SLC48A1: variants seen among roughly 807,000 people sequenced by gnomAD.
SLC48A1 encodes heme transporter HRG1.
A neutral mutation model predicts 14.8 loss-of-function variants in SLC48A1; 6 were observed. That is an observed-to-expected ratio of 0.41 (90% confidence interval 0.22 to 0.80). The LOEUF is 0.80. Ranked by LOEUF, SLC48A1 falls within the 30% of genes least tolerant of loss-of-function variation. The probability of loss-of-function intolerance (pLI) is 0.34; values close to 1 mark genes in which losing one functional copy is unlikely to be tolerated. For synonymous variants in SLC48A1, 89 were observed against 90.0 expected (o/e 0.99, Z 0.06); for missense variants, 165 against 204.8 (o/e 0.81, Z 1.19).
In SLC48A1 at chr12:47,777,179, A is replaced by G. The variant is rs78215560; in HGVS notation, c.137-1849A>G. Among the ~76,000 whole-genome samples the G allele has an allele frequency of 0.13, 19,609 of 152,234 alleles. 1,599 individuals carry two copies. Among genetic ancestry groups the G allele is most frequent in the Non-Finnish European group, 0.18 (12,476 of 68,002 alleles). On this transcript the variant is annotated intron_variant, in intron 1 of 2. Coordinates refer to ENST00000442218, the MANE Select transcript of SLC48A1 (RefSeq NM_017842.3). This position sits in a 1 kb window ranked among gnomAD's most constrained non-coding sequence, Gnocchi z 4.5. Reference sequence around the variant, plus strand: ...TAAAAATCCAGATCTTGTAGGAGGTAAGAGGAAGCTGCAGGATGATTGTCC... The same window carrying G: ...TAAAAATCCAGATCTTGTAGGAGGTGAGAGGAAGCTGCAGGATGATTGTCC...
intron 2 of SLC48A1, among the ~76,000 whole-genome samples, chr12:47,763,161 C>T (rs1156898995): frequency 8.7e-6 from 1 of 114,576 alleles, no homozygotes; most frequent in East Asian, 2.0e-4. Flanking sequence ...GAGCTAGTTT[C>T]CCAGTTCAAT....
chr12:47,760,374 G>A, exon 2 of SLC48A1: 1 of 985,488 alleles, frequency 1.0e-6, no homozygotes, highest in South Asian at 4.7e-5. Flanking sequence ...GAAACTGACA[G>A]GAAAGGATGA....
At chr12:47,761,222 G>T (rs1592594039) in intron 2 of SLC48A1, among the ~76,000 whole-genome samples, 1 of 151,666 alleles carries the variant, frequency 6.6e-6, no homozygotes, top group Non-Finnish European at 1.5e-5. Flanking sequence ...AGGCAGGGGG[G>T]AAATCGAATA....
At chr12:47,759,037 C>T in intron 1 of SLC48A1, 3 of 988,672 alleles carry the variant, frequency 3.0e-6, no homozygotes, top group African/African-American at 1.7e-5. Flanking sequence ...GGAGTCCGCA[C>T]CCGGGGGTAC....
At chr12:47,775,485 A>G (rs1565780921) in intron 1 of SLC48A1, among the ~76,000 whole-genome samples, 1 of 152,136 alleles carries the variant, frequency 6.6e-6, no homozygotes, top group Non-Finnish European at 1.5e-5. Context: ...ACTGCTTGGT[A>G]GTGGTGGTGG....
intron 2 of SLC48A1, among the ~76,000 whole-genome samples, chr12:47,761,122 G>A (rs1390290616): frequency 1.3e-5 from 2 of 151,878 alleles, no homozygotes; most frequent in Non-Finnish European, 1.5e-5. Flanking sequence ...CTTTCAACCC[G>A]GGAGGCGAAG....
upstream of SLC48A1, among the ~76,000 whole-genome samples, chr12:47,770,436 G>A (rs58067800): frequency 0.14 from 21,750 of 152,224 alleles, 1,742 homozygotes; most frequent in Non-Finnish European, 0.18. Flanking sequence ...GCCTGGACCA[G>A]CTCTGAAGCC....
At chr12:47,762,366 A>G (rs1202570604) in intron 2 of SLC48A1, among the ~76,000 whole-genome samples, 1 of 152,128 alleles carries the variant, frequency 6.6e-6, no homozygotes, top group Non-Finnish European at 1.5e-5. Flanking sequence ...TTCCTGCCCC[A>G]GGAGGCCTCT....
upstream of SLC48A1, chr12:47,771,128 T>TG (rs1942621576): frequency 3.4e-6 from 1 of 294,456 alleles, no homozygotes; most frequent in South Asian, 2.9e-5. Flanking sequence ...GGGGTGGGGC[T>TG]GGGTTTATTT....
intron 2 of SLC48A1, among the ~76,000 whole-genome samples, chr12:47,760,633 C>T (rs1488133572): frequency 6.6e-6 from 1 of 152,126 alleles, no homozygotes; most frequent in Non-Finnish European, 1.5e-5. Flanking sequence ...TAATCATGTG[C>T]GGGCACTCTT....
At chr12:47,776,494 C>A (rs1377171978) in intron 1 of SLC48A1, among the ~76,000 whole-genome samples, 2 of 152,150 alleles carry the variant, frequency 1.3e-5, no homozygotes, top group African/African-American at 4.8e-5. Flanking sequence ...GGCTCCATCT[C>A]CTTCAGTGAC....
chr12:47,768,040 C>T (rs529255218), upstream of SLC48A1, among the ~76,000 whole-genome samples: 2 of 151,982 alleles, frequency 1.3e-5, no homozygotes, highest in East Asian at 1.9e-4. Flanking sequence ...TTGAGTGGTG[C>T]GATCTTGGCT....
chr12:47,775,191 C>A (rs1302701071), intron 1 of SLC48A1, among the ~76,000 whole-genome samples: 1 of 152,216 alleles, frequency 6.6e-6, no homozygotes, highest in East Asian at 1.9e-4. Context: ...GCTGCCCACT[C>A]CCTGAGTCTC....
chr12:47,773,296 C>T lies in SLC48A1; in HGVS notation c.-9C>T. On this transcript the variant is annotated 5_prime_UTR_variant, in exon 1 of 3. Coordinates refer to ENST00000442218, the MANE Select transcript of SLC48A1 (RefSeq NM_017842.3). ...CGCTCGCCCTCGGCCCGCCCGGCGCCGCAGCCCCATGGCCCCGTCCAGGCT... is the reference window on the plus strand; with the variant it reads ...CGCTCGCCCTCGGCCCGCCCGGCGCTGCAGCCCCATGGCCCCGTCCAGGCT... The T allele has an allele frequency of 7.0e-7, 1 of 1,437,576 alleles. No individual in the cohort carries two copies. Among genetic ancestry groups the T allele is most frequent in the Non-Finnish European group, 9.2e-7 (1 of 1,092,702 alleles). 89.1% of individuals were successfully genotyped at this position (1,437,576 alleles called of 1,614,324 possible).
At chr12:47,775,549 C>T (rs939991647) in intron 1 of SLC48A1, among the ~76,000 whole-genome samples, 4 of 152,234 alleles carry the variant, frequency 2.6e-5, no homozygotes, top group African/African-American at 9.6e-5. Context: ...CCTTCCCCAC[C>T]ATGAGTGAGT....
Position 47,781,932 on chromosome 12 carries a change from G to C in SLC48A1, c.*1651G>C, listed in dbSNP as rs1467433990. Reference sequence around the variant, plus strand: ...TCCTCTCTCTAGCACACCCCAGCCAGGGCAAGGATGCCCACGGGCATAGCT... The same window carrying C: ...TCCTCTCTCTAGCACACCCCAGCCACGGCAAGGATGCCCACGGGCATAGCT... On this transcript the variant is annotated 3_prime_UTR_variant, in exon 3 of 3. Coordinates refer to ENST00000442218, the MANE Select transcript of SLC48A1 (RefSeq NM_017842.3). 1 of 152,538 alleles carries C rather than the reference G, an allele frequency of 6.6e-6. No individual in the cohort carries two copies. Among genetic ancestry groups the C allele is most frequent in the East Asian group, 1.9e-4 (1 of 5,208 alleles). 9.4% of individuals were successfully genotyped at this position (152,538 alleles called of 1,614,324 possible). A position where few individuals can be genotyped will look rare whatever the true frequency, so the allele number is the denominator to read the frequency against.
chr12:47,759,230 T>A, intron 1 of SLC48A1: 4 of 439,850 alleles, frequency 9.1e-6, no homozygotes, highest in Non-Finnish European at 1.2e-5. Flanking sequence ...AGGGGGTGAG[T>A]CACTGCGGCC....
intron 1 of SLC48A1, among the ~76,000 whole-genome samples, chr12:47,759,344 C>T (rs1942293974): frequency 6.6e-6 from 1 of 152,218 alleles, no homozygotes; most frequent in East Asian, 1.9e-4. Flanking sequence ...GAATAGGCGG[C>T]TTTCCCGCGG....
chr12:47,767,279 G>T (rs368102413), upstream of SLC48A1, among the ~76,000 whole-genome samples: 15 of 152,306 alleles, frequency 9.8e-5, no homozygotes, highest in East Asian at 1.7e-3. Flanking sequence ...CAAGCTACCA[G>T]TCCAACCTGC....
Sources: gnomAD v4.1 joint callset for allele counts (sites outside exome capture counted in the v4.1 genomes callset) on GRCh38, gnomAD v4.1.1 for gene constraint, Gnocchi (gnomAD v3.1) non-coding constraint, MANE v1.5 for transcripts, NCBI Gene and HGNC (gene_info 2026-07-23, HGNC 2026-07-21) for gene names.